RP9: variants seen among roughly 807,000 people sequenced by gnomAD.
The protein encoded by RP9 is RP9 pre-mRNA splicing factor, also known as retinitis pigmentosa 9 protein.
Under a neutral mutation model 32.6 loss-of-function variants are expected in RP9, and 23 were observed. The observed-to-expected ratio is 0.71, with a 90% CI of 0.51 to 1.00. The LOEUF is 1.00. RP9 is among the 50% of genes least tolerant of loss of function. The pLI, the probability that RP9 is intolerant of heterozygous loss-of-function variation, is 0.00. For missense variants in RP9, 245 were observed against 285.3 expected, an observed-to-expected ratio of 0.86 and a Z score of 1.02; for synonymous variants, 94 against 103.6, an observed-to-expected ratio of 0.91 and a Z score of 0.56.
At chr7:33,101,007 A>ATT (rs79059350) in intron 1 of RP9, 23 of 272,946 alleles carry the variant, frequency 8.4e-5, no homozygotes, top group South Asian at 1.4e-4. Flanking sequence ...TTAGGGAAGT[A>ATT]TTTTTTTTTT....
At chr7:33,098,816 C>G (rs1036182950) in intron 3 of RP9, among the ~76,000 whole-genome samples, 1 of 152,068 alleles carries the variant, frequency 6.6e-6, no homozygotes, top group African/African-American at 2.4e-5. Context: ...ACATTTTTAT[C>G]TTCTATAAAC....
intron 3 of RP9, among the ~76,000 whole-genome samples, chr7:33,097,887 TG>T (rs1788364202): frequency 6.6e-6 from 1 of 152,154 alleles, no homozygotes; most frequent in South Asian, 2.1e-4. Flanking sequence ...CCCAAAGTGC[TG>T]GGATTACAGG....
intron 3 of RP9, among the ~76,000 whole-genome samples, 153 bp from the exon 4 acceptor site, chr7:33,097,515 A>G (rs1189319867): frequency 2.0e-5 from 3 of 152,240 alleles, no homozygotes; most frequent in Non-Finnish European, 4.4e-5. Context: ...CCAGAAACAG[A>G]GGTAAACTAA....
At chr7:33,099,043 G>A (rs912785089) in intron 3 of RP9, 1 of 549,524 alleles carries the variant, frequency 1.8e-6, no homozygotes, top group Admixed American at 3.1e-5. Context: ...CATTCATTCT[G>A]TAGGTTGGAA....
intron 3 of RP9, among the ~76,000 whole-genome samples, chr7:33,098,191 G>C (rs1788369692): frequency 2.0e-5 from 3 of 151,944 alleles, no homozygotes; most frequent in Admixed American, 2.0e-4. Flanking sequence ...TTCGAGACTA[G>C]CTTAGGCAAC....
At chr7:33,108,986 T>G (rs1206618269) in intron 1 of RP9, among the ~76,000 whole-genome samples, 1 of 152,134 alleles carries the variant, frequency 6.6e-6, no homozygotes, top group Non-Finnish European at 1.5e-5. Context: ...AGTCAGATTC[T>G]GCTTGGTGCC....
At chr7:33,099,506 A>C (rs544515705) in intron 2 of RP9, 70 bp from the exon 3 acceptor site, 12 of 1,585,362 alleles carry the variant, frequency 7.6e-6, no homozygotes, top group Non-Finnish European at 1.0e-5. Flanking sequence ...CCTTGGAGCC[A>C]CCCTTGCCTG....
chr7:33,095,360 T>A lies in RP9; in HGVS notation c.540A>T (p.Glu180Asp), dbSNP rs1373954765. 6.2e-7 allele frequency: 1 copy of A among 1,613,852 alleles called. No homozygotes were observed. Among genetic ancestry groups the A allele is most frequent in the South Asian group, 1.1e-5 (1 of 91,024 alleles). Residue 180 changes from glutamate to aspartate, a missense_variant, in exon 6 of 6, where the codon GAA becomes GAT. Transcript: ENST00000297157. ...TCTTTTTCTTGTGTTTCTCTTTACCTTCAGAGGAACTGGAGCTGCTCCTAT... is the reference window on the plus strand; with the variant it reads ...TCTTTTTCTTGTGTTTCTCTTTACCATCAGAGGAACTGGAGCTGCTCCTAT... ...DEDRSSSSSS[E>D]GKEKHKKKKK...
At chr7:33,099,618 C>G (rs189707149) in intron 2 of RP9, among the ~76,000 whole-genome samples, 182 bp from the exon 3 acceptor site, 1 of 151,800 alleles carries the variant, frequency 6.6e-6, no homozygotes, top group South Asian at 2.1e-4. Context: ...AACAAATGTA[C>G]CAGAAGAACT....
intron 1 of RP9, among the ~76,000 whole-genome samples, chr7:33,108,713 C>A (rs1270045485): frequency 6.6e-6 from 1 of 152,214 alleles, no homozygotes; most frequent in Non-Finnish European, 1.5e-5. Context: ...CACCACGCCC[C>A]AAAAGGCCCA....
intron 1 of RP9, among the ~76,000 whole-genome samples, chr7:33,106,088 T>C (rs1004084143): frequency 5.9e-5 from 9 of 151,892 alleles, no homozygotes; most frequent in African/African-American, 1.9e-4. Flanking sequence ...AAGTTAACAA[T>C]AGTATAGAAA....
chr7:33,107,344 G>A (rs79566615), intron 1 of RP9, among the ~76,000 whole-genome samples: 1,794 of 152,218 alleles, frequency 0.012, 11 homozygotes, highest in Non-Finnish European at 0.016. Context: ...TTTTTCATCT[G>A]TAAAAGTAGG....
chr7:33,107,065 T>C (rs774894482), intron 1 of RP9, among the ~76,000 whole-genome samples: 43 of 151,984 alleles, frequency 2.8e-4, no homozygotes, highest in Admixed American at 1.9e-3. Context: ...TACTGAGGAG[T>C]TGGGCAGCCT....
intron 1 of RP9, among the ~76,000 whole-genome samples, chr7:33,105,147 A>C (rs1788480242): frequency 6.6e-6 from 1 of 152,194 alleles, no homozygotes; most frequent in African/African-American, 2.4e-5. Context: ...AAAAGTAACC[A>C]GTGTACTGAA....
Position 33,109,092 on chromosome 7 carries a change from C to A in RP9, c.152+129G>T. ...ATCGGTCGCCCGCACCAGGCTCCTGCCGGGCCCAGCCCCCCTGCCTGCTCG... is the reference window on the plus strand; with the variant it reads ...ATCGGTCGCCCGCACCAGGCTCCTGACGGGCCCAGCCCCCCTGCCTGCTCG... On this transcript the variant is annotated intron_variant, in intron 1 of 5. Transcript: ENST00000297157. This position sits in a 1 kb window ranked among gnomAD's most constrained non-coding sequence, Gnocchi z 4.9. 2 of 1,311,798 alleles carry A rather than the reference C, an allele frequency of 1.5e-6. No homozygotes were observed. Among genetic ancestry groups the A allele is most frequent in the Admixed American group, 4.0e-5 (1 of 24,714 alleles). The allele number at this position is 1,311,798 out of a possible 1,614,324, so 81.3% of individuals were successfully genotyped here.
intron 5 of RP9, among the ~76,000 whole-genome samples, chr7:33,095,966 G>A (rs1287084231): frequency 6.6e-6 from 1 of 152,088 alleles, no homozygotes; most frequent in Non-Finnish European, 1.5e-5. Flanking sequence ...CCGAGTGGCT[G>A]GAACTACAGG....
At chr7:33,099,495 C>T (rs1476243195) in intron 2 of RP9, 59 bp from the exon 3 acceptor site, 1 of 1,604,412 alleles carries the variant, frequency 6.2e-7, no homozygotes, top group African/African-American at 1.3e-5. Flanking sequence ...TCTCCTGCTC[C>T]CCTTGGAGCC....
At position 33,104,783 on chromosome 7, in the gene RP9, G is replaced by A. The variant is rs150425649; in HGVS notation, c.153-4222C>T. Among the ~76,000 whole-genome samples, 261 of 152,274 alleles carry A rather than the reference G, an allele frequency of 1.7e-3. 5 individuals are homozygous for A. Among genetic ancestry groups the A allele is most frequent in the East Asian group, 9.6e-4 (5 of 5,182 alleles). On this transcript the variant is annotated intron_variant, in intron 1 of 5. Coordinates refer to ENST00000297157, the MANE Select transcript of RP9 (RefSeq NM_203288.2). ...TTTTGTAGAGACAGGGTCTCACATTGTTGCCCAGGCTGGTCTTGAACTCTT... is the reference window on the plus strand; with the variant it reads ...TTTTGTAGAGACAGGGTCTCACATTATTGCCCAGGCTGGTCTTGAACTCTT...
At chr7:33,107,982 A>G (rs1303266074) in intron 1 of RP9, among the ~76,000 whole-genome samples, 3 of 152,238 alleles carry the variant, frequency 2.0e-5, no homozygotes, top group Non-Finnish European at 4.4e-5. Flanking sequence ...ACAGGGTTTC[A>G]AAGGCTGACC....
Sources: gnomAD v4.1 joint callset for allele counts (sites outside exome capture counted in the v4.1 genomes callset) on GRCh38, gnomAD v4.1.1 for gene constraint, Gnocchi (gnomAD v3.1) non-coding constraint, MANE v1.5 for transcripts, NCBI Gene and HGNC (gene_info 2026-07-23, HGNC 2026-07-21) for gene names.